The following BOD1L1 variants were observed in gnomAD, a reference collection of about 807,000 sequenced individuals.
BOD1L1 encodes biorientation of chromosomes in cell division 1 like 1, also known as biorientation of chromosomes in cell division protein 1-like 1.
A neutral mutation model predicts 240.7 loss-of-function variants in BOD1L1; 86 were observed. The observed-to-expected ratio is 0.36, with a 90% CI of 0.30 to 0.43. The LOEUF (loss-of-function observed/expected upper bound fraction) is 0.43, where lower values mean the gene tolerates loss of function less well. Among genes scored for constraint, BOD1L1 ranks in the 20% least tolerant of loss-of-function variants. The pLI is 1.00. For synonymous variants in BOD1L1, 1,268 were observed against 1,272.3 expected, an observed-to-expected ratio of 1.00 and a Z score of 0.07; for missense variants, 3,554 against 3,643.5, an observed-to-expected ratio of 0.98 and a Z score of 0.63.
In BOD1L1 at chr4:13,599,788, T is replaced by G; in HGVS notation, c.7112A>C (p.His2371Pro). The part of the protein sequence containing the change: ...GDLSATEVSK[H>P]KVPMPSLIAE... ...AATTAGGCTGGGCATGGGGACCTTG[T>G]GCTTGCTCACTTCTGTGGCTGACAG... is the stretch of plus-strand genomic sequence containing the variant. The change falls in exon 10 of 26, where the codon CAC becomes CCC. Residue 2371 changes from histidine to proline, a missense_variant. Around this residue, in one of 2 missense-constraint regions of BOD1L1, gnomAD observed 3,393 missense variants for 3,427.1 expected, o/e 0.99. Transcript: ENST00000040738. The G allele has an allele frequency of 6.2e-7, 1 of 1,614,034 alleles. No homozygotes were observed. Among genetic ancestry groups the G allele is most frequent in the African/African-American group, 1.3e-5 (1 of 75,054 alleles).
chr4:13,601,107 A>G lies in BOD1L1; in HGVS notation c.5793T>C (p.Val1931=). The G allele has an allele frequency of 6.2e-7, 1 of 1,613,978 alleles. No homozygotes were observed. The highest frequency in any genetic ancestry group is 8.5e-7 in the Non-Finnish European group (1 of 1,179,896). The part of the protein sequence containing the change: ...AAIMNANENN[V]DSMSGTEKGS... ...CTTTCTCTGTGCCACTCATGCTGTC[A>G]ACATTATTTTCATTTGCATTCATGA... Residue 1931 remains valine (V), a synonymous_variant, in exon 10 of 26, where the codon GTT becomes GTC. Transcript: ENST00000040738.
At position 13,595,881 on chromosome 4, in the gene BOD1L1, C is replaced by T. The variant is rs761982440; in HGVS notation, c.8083G>A (p.Gly2695Arg). 1.4e-5 allele frequency: 23 copies of T among 1,613,764 alleles called. No individual in the cohort carries two copies. The highest frequency in any genetic ancestry group is 1.9e-5 in the Non-Finnish European group (22 of 1,179,842). The change falls in exon 12 of 26, where the codon GGG becomes AGG. Residue 2695 changes from glycine (G) to arginine (R), a missense_variant. Gly to Arg is a moderately radical substitution (Grantham distance 125). Coordinates refer to ENST00000040738, the MANE Select transcript of BOD1L1 (RefSeq NM_148894.3). The stretch of plus-strand genomic sequence containing the variant: ...TCACCTATTCCACTTGGCTTTCCCC[C>T]ACACAGACTTTCTGGTGGTGCCAGA... ...EILAPPESLCGGKPSGIAELQ... is the reference protein window; with the variant it reads ...EILAPPESLCRGKPSGIAELQ...
chr4:13,582,614 A>C, intron 18 of BOD1L1, 38 bp downstream of exon 18: 1 of 1,461,844 alleles, frequency 6.8e-7, no homozygotes, highest in South Asian at 1.2e-5. Flanking sequence ...GCTGCTTTGA[A>C]GGCTCAGTCA....
At chr4:13,609,917 A>G (rs745329037) in intron 6 of BOD1L1, among the ~76,000 whole-genome samples, 10 of 152,192 alleles carry the variant, frequency 6.6e-5, no homozygotes, top group Non-Finnish European at 1.3e-4. Flanking sequence ...GGTCTTTTAC[A>G]GCAGAAAGAA....
At position 13,609,354 on chromosome 4, in the gene BOD1L1, A is replaced by C. The variant is rs1715978877; in HGVS notation, c.1544T>G (p.Leu515Arg). Residue 515 changes from leucine to arginine, a missense_variant, in exon 7 of 26, where the codon CTT becomes CGT. Physicochemically the swap from Leu to Arg is moderately radical, Grantham distance 102. This residue lies in a region of BOD1L1 where 3,393 missense variants were observed against 3,427.1 expected (regional missense o/e 0.99). Coordinates refer to ENST00000040738, the MANE Select transcript of BOD1L1 (RefSeq NM_148894.3). ...LLRRQINREK[L>R]EEKRKQKAEK... ...TGCTTTCTGTTTTCGTTTTTCTTCA[A>C]GTTTTTCTCTATTGATTTGCCTTCT... The C allele has an allele frequency of 3.2e-6, 5 of 1,557,666 alleles. No homozygotes were observed. Among genetic ancestry groups the C allele is most frequent in the Non-Finnish European group, 4.3e-6 (5 of 1,153,900 alleles).
At chr4:13,612,545 A>G (rs1383804765) in intron 5 of BOD1L1, among the ~76,000 whole-genome samples, 1 of 152,138 alleles carries the variant, frequency 6.6e-6, no homozygotes, top group Non-Finnish European at 1.5e-5. Flanking sequence ...GAGTTATTAC[A>G]TGAATGTCCT....
chr4:13,613,653 A>G lies in BOD1L1; in HGVS notation c.1183T>C (p.Leu395=). ...TVEGTKEDFS[L]IDSDVDGLTD... is the part of the protein sequence containing the mutation. ...AGTCCATCCACATCAGAATCTATCA[A>G]AGAGAAATCTTCAAGCGGAAAATAA... The change falls in exon 5 of 26, where the codon TTG becomes CTG. Residue 395 remains leucine, a synonymous_variant. Transcript: ENST00000040738. The surrounding 1 kb of genome is among the most constrained non-coding windows in gnomAD (Gnocchi z 4.0). The G allele has an allele frequency of 6.5e-7, 1 of 1,539,234 alleles. No homozygotes were observed. The highest frequency in any genetic ancestry group is 8.8e-7 in the Non-Finnish European group (1 of 1,136,374).
chr4:13,587,271 C>T (rs1713779217), intron 16 of BOD1L1, among the ~76,000 whole-genome samples: 1 of 152,180 alleles, frequency 6.6e-6, no homozygotes, highest in South Asian at 2.1e-4. Flanking sequence ...TACAAGACTT[C>T]TATCACTGTA....
chr4:13,603,610 G>C lies in BOD1L1; in HGVS notation c.3290C>G (p.Pro1097Arg). Residue 1097 changes from proline to arginine, a missense_variant, in exon 10 of 26, where the codon CCC (proline) becomes CGC (arginine). Around this residue, in one of 2 missense-constraint regions of BOD1L1, gnomAD observed 3,393 missense variants for 3,427.1 expected, o/e 0.99. Transcript: ENST00000040738. ...EKLAANTLST[P>R]SGSSLQRPKK... is the part of the protein sequence containing the mutation. ...TGGTCTCTGAAGGGAGGAACCGCTGGGAGTGCTCAAAGTGTTTGCTGCTAA... is the reference window on the plus strand; with the variant it reads ...TGGTCTCTGAAGGGAGGAACCGCTGCGAGTGCTCAAAGTGTTTGCTGCTAA... 6.2e-7 allele frequency: 1 copy of C among 1,613,882 alleles called. No individual in the cohort carries two copies. The highest frequency in any genetic ancestry group is 8.5e-7 in the Non-Finnish European group (1 of 1,179,826).
rs1377008412 is a variant in BOD1L1 at position 13,568,898 on chromosome 4, T to A, written c.*1113A>T. The stretch of plus-strand genomic sequence containing the variant: ...AAACAAGAATATGAACAAAACATTT[T>A]AAAATAATCTCAATTATTTGGCAAC... On this transcript the variant is annotated 3_prime_UTR_variant, in exon 26 of 26. Coordinates refer to ENST00000040738, the MANE Select transcript of BOD1L1 (RefSeq NM_148894.3). The A allele has an allele frequency of 6.6e-6, 1 of 152,146 alleles. No individual in the cohort carries two copies. The highest frequency in any genetic ancestry group is 1.5e-5 in the Non-Finnish European group (1 of 68,012). The allele number at this position is 152,146 out of a possible 1,614,324, so 9.4% of individuals were successfully genotyped here. A position where few individuals can be genotyped will look rare whatever the true frequency, so the allele number is the denominator to read the frequency against.
chr4:13,602,931 A>C lies in BOD1L1; in HGVS notation c.3969T>G (p.Ser1323=), dbSNP rs1304730734. 1.2e-6 allele frequency: 2 copies of C among 1,614,012 alleles called. No homozygotes were observed. Among genetic ancestry groups the C allele is most frequent in the Admixed American group, 1.7e-5 (1 of 60,030 alleles). The change falls in exon 10 of 26, where the codon TCT becomes TCG. Residue 1323 remains serine, a synonymous_variant. Transcript: ENST00000040738. ...CAGTCAGACTTTGGTTAGGGAGAGCAGAGTGATCCGCAGGGGAGGTGCTGG... is the reference window on the plus strand; with the variant it reads ...CAGTCAGACTTTGGTTAGGGAGAGCCGAGTGATCCGCAGGGGAGGTGCTGG... ...STASTSPADH[S]ALPNQSLTVR... is the part of the protein sequence containing the mutation.
In BOD1L1 at chr4:13,603,042, T is replaced by C; in HGVS notation, c.3858A>G (p.Ser1286=). 3 of 1,614,036 alleles carry C rather than the reference T, an allele frequency of 1.9e-6. No homozygotes were observed. The highest frequency in any genetic ancestry group is 2.2e-5 in the East Asian group (1 of 44,890). ...TNLDSSPSLS[S]VTVVPLRESY... is the part of the protein sequence containing the mutation. ...ATTCCCTCAGAGGCACAACAGTCAC[T>C]GAACTTAAGGATGGTGAGGAGTCTA... The change falls in exon 10 of 26, where the codon TCA becomes TCG. Residue 1286 remains serine, a synonymous_variant. Coordinates refer to ENST00000040738, the MANE Select transcript of BOD1L1 (RefSeq NM_148894.3).
At position 13,598,985 on chromosome 4, in the gene BOD1L1, T is replaced by C; in HGVS notation, c.7915A>G (p.Met2639Val). The stretch of plus-strand genomic sequence containing the variant: ...TTTTCTTCAGAAGACACAGTAACCA[T>C]TATGTCTCCTTCCTCAGGGAATGAT... ...RKSFPEEGDIMVTVSSEENVC... is the reference protein window; with the variant it reads ...RKSFPEEGDIVVTVSSEENVC... Residue 2639 changes from methionine (M) to valine (V), a missense_variant, in exon 10 of 26, where the codon ATG becomes GTG. This residue lies in a region of BOD1L1 where 3,393 missense variants were observed against 3,427.1 expected (regional missense o/e 0.99). Coordinates refer to ENST00000040738, the MANE Select transcript of BOD1L1 (RefSeq NM_148894.3). 1 of 1,613,190 alleles carries C rather than the reference T, an allele frequency of 6.2e-7. No homozygotes were observed. Among genetic ancestry groups the C allele is most frequent in the Non-Finnish European group, 8.5e-7 (1 of 1,179,308 alleles).
intron 9 of BOD1L1, 112 bp from the exon 10 acceptor site, chr4:13,605,196 CACTTAATTCTT>C (rs1715596229): frequency 4.5e-6 from 4 of 896,990 alleles, no homozygotes; most frequent in South Asian, 6.0e-5. Flanking sequence ...TGTAACATCT[CACTTAATTCTT>C]ACAAACAGCC....
rs567654901 is a variant in BOD1L1 at position 13,578,711 on chromosome 4, C to A, written c.8750-1080G>T. Among the ~76,000 whole-genome samples, 23 of 152,216 alleles carry A rather than the reference C, an allele frequency of 1.5e-4. 1 individual carries two copies. The highest frequency in any genetic ancestry group is 6.5e-4 in the Admixed American group (10 of 15,294). ...TACAGGTGTGAGCCACCACACCTGG[C>A]TAATATGGACTTTTCAATTTCAGTG... is the stretch of plus-strand genomic sequence containing the variant. On this transcript the variant is annotated intron_variant, in intron 22 of 25. Coordinates refer to ENST00000040738, the MANE Select transcript of BOD1L1 (RefSeq NM_148894.3).
chr4:13,600,749 C>G lies in BOD1L1; in HGVS notation c.6151G>C (p.Ala2051Pro), dbSNP rs1715069281. 6.2e-7 allele frequency: 1 copy of G among 1,614,044 alleles called. No individual in the cohort carries two copies. Among genetic ancestry groups the G allele is most frequent in the East Asian group, 2.2e-5 (1 of 44,888 alleles). ...EECDGLMATTASGDITNQNSL... is the reference protein window; with the variant it reads ...EECDGLMATTPSGDITNQNSL... ...TTCTGGTTGGTAATATCACCACTGG[C>G]TGTAGTTGCCATGAGACCATCACAC... Residue 2051 changes from alanine to proline, a missense_variant, in exon 10 of 26, where the codon GCC becomes CCC. Around this residue, in one of 2 missense-constraint regions of BOD1L1, gnomAD observed 3,393 missense variants for 3,427.1 expected, o/e 0.99. Transcript: ENST00000040738.
rs746874671 is a variant in BOD1L1, at chr4:13,602,687, C to T, written c.4213G>A (p.Gly1405Ser). The T allele has an allele frequency of 9.9e-6, 16 of 1,613,872 alleles. No homozygotes were observed. Among genetic ancestry groups the T allele is most frequent in the African/African-American group, 2.7e-5 (2 of 74,928 alleles). The change falls in exon 10 of 26, where the codon GGC becomes AGC. Residue 1405 changes from glycine (G) to serine (S), a missense_variant. Physicochemically the swap from Gly to Ser is moderately conservative, Grantham distance 56. This residue lies in a region of BOD1L1 where 3,393 missense variants were observed against 3,427.1 expected (regional missense o/e 0.99). Transcript: ENST00000040738. ...TCTTTCTTGGCCATGTCCACTAAGC[C>T]ACCTTCTTTGGTAATATTCTCATTT... ...VENENITKEG[G>S]LVDMAKKEND...
chr4:13,581,264 T>G, intron 19 of BOD1L1, 57 bp from the exon 20 acceptor site: 1 of 1,213,362 alleles, frequency 8.2e-7, no homozygotes, highest in African/African-American at 1.5e-5. Flanking sequence ...TATCCTTTAT[T>G]ATATAAAGTT....
chr4:13,579,433 C>T (rs2108888199), intron 22 of BOD1L1, among the ~76,000 whole-genome samples: 1 of 152,288 alleles, frequency 6.6e-6, no homozygotes. Context: ...GCTTTATTTG[C>T]TGATGAGAAT....
Sources: gnomAD v4.1 joint callset for allele counts (sites outside exome capture counted in the v4.1 genomes callset) on GRCh38, gnomAD v4.1.1 for gene constraint, gnomAD v4.1.1 regional missense constraint, Gnocchi (gnomAD v3.1) non-coding constraint, MANE v1.5 for transcripts, NCBI Gene and HGNC (gene_info 2026-07-23, HGNC 2026-07-21) for gene names.